The following TSPAN5 variants were observed in gnomAD, a reference collection of about 807,000 sequenced individuals.
The protein encoded by TSPAN5 is tetraspanin 5.
TSPAN5 carries 10 observed loss-of-function variants against 37.1 expected under a neutral mutation model. That is an observed-to-expected ratio of 0.27 (90% CI 0.17 to 0.46). The LOEUF is 0.46. Ranked by LOEUF, TSPAN5 falls within the 20% of genes least tolerant of loss-of-function variation. The pLI is 1.00. For missense variants in TSPAN5, 195 were observed against 326.6 expected (o/e 0.60, Z 3.11); for synonymous variants, 110 against 118.9 (o/e 0.93, Z 0.48).
intron 1 of TSPAN5, among the ~76,000 whole-genome samples, chr4:98,558,228 C>T (rs1331039736): frequency 6.6e-6 from 1 of 150,884 alleles, no homozygotes; most frequent in Non-Finnish European, 1.5e-5. Flanking sequence ...TGTTCGAATG[C>T]TCATACATTT....
At chr4:98,518,297 T>G (rs1245659946) in intron 1 of TSPAN5, among the ~76,000 whole-genome samples, 1 of 152,174 alleles carries the variant, frequency 6.6e-6, no homozygotes, top group African/African-American at 2.4e-5. Flanking sequence ...ATCATTCAAC[T>G]TATTTAATGA....
Position 98,474,188 on chromosome 4 carries a change from C to A in TSPAN5, c.742-1601G>T, listed in dbSNP as rs970931651. Among the ~76,000 whole-genome samples, 33 of 152,056 alleles carry A rather than the reference C, an allele frequency of 2.2e-4. 1 individual carries two copies. Among genetic ancestry groups the A allele is most frequent in the Non-Finnish European group, 7.3e-5 (5 of 68,030 alleles). ...ATAGCATTAGCTCTTATATTTAGGT[C>A]TTTGCTTTATTTTGAGTTAATTTTT... On this transcript the variant is annotated intron_variant, in intron 7 of 7. Coordinates refer to ENST00000305798, the MANE Select transcript of TSPAN5 (RefSeq NM_005723.4).
chr4:98,653,976 C>T (rs1757247239), intron 1 of TSPAN5, among the ~76,000 whole-genome samples: 1 of 152,196 alleles, frequency 6.6e-6, no homozygotes, highest in Non-Finnish European at 1.5e-5. Flanking sequence ...GTGGCACTGC[C>T]AGTTCTAAGT....
chr4:98,602,647 A>T (rs1755908065), intron 1 of TSPAN5, among the ~76,000 whole-genome samples: 1 of 151,988 alleles, frequency 6.6e-6, no homozygotes, highest in Admixed American at 6.6e-5. Flanking sequence ...CCAAAACTAC[A>T]TTTTTCTCCT....
intron 1 of TSPAN5, among the ~76,000 whole-genome samples, chr4:98,570,990 C>T (rs769830579): frequency 1.7e-4 from 25 of 150,736 alleles, no homozygotes; most frequent in South Asian, 4.2e-4. Context: ...CCAATATGGG[C>T]GACAGAGCAA....
chr4:98,534,454 A>G (rs943047733), intron 1 of TSPAN5, among the ~76,000 whole-genome samples: 6 of 152,194 alleles, frequency 3.9e-5, no homozygotes, highest in Non-Finnish European at 8.8e-5. Context: ...TCAATTTTAG[A>G]ATAAGTGTGA....
At chr4:98,537,390 C>T (rs956286173) in intron 1 of TSPAN5, among the ~76,000 whole-genome samples, 1 of 152,212 alleles carries the variant, frequency 6.6e-6, no homozygotes, top group Non-Finnish European at 1.5e-5. Flanking sequence ...CACCCGCCTT[C>T]TGAGTCGATC....
At chr4:98,561,769 T>C (rs865791362) in intron 1 of TSPAN5, among the ~76,000 whole-genome samples, 6 of 152,352 alleles carry the variant, frequency 3.9e-5, no homozygotes, top group South Asian at 2.1e-4. Flanking sequence ...AGCACTACTA[T>C]AGGTGCTGGA....
At chr4:98,624,390 G>C (rs1003342105) in intron 1 of TSPAN5, among the ~76,000 whole-genome samples, 5 of 151,998 alleles carry the variant, frequency 3.3e-5, no homozygotes, top group African/African-American at 1.2e-4. Flanking sequence ...TAATGATGAG[G>C]AGATAAAGTC....
chr4:98,571,110 C>G (rs568430439), intron 1 of TSPAN5, among the ~76,000 whole-genome samples: 1 of 152,262 alleles, frequency 6.6e-6, no homozygotes, highest in South Asian at 2.1e-4. Context: ...GTTCTAGCAG[C>G]CCTGATCATC....
At chr4:98,497,569 A>C (rs922051404) in intron 2 of TSPAN5, among the ~76,000 whole-genome samples, 5 of 152,130 alleles carry the variant, frequency 3.3e-5, no homozygotes, top group African/African-American at 1.2e-4. Context: ...GGTGCCCCTA[A>C]ACTCAAGTGA....
intron 1 of TSPAN5, among the ~76,000 whole-genome samples, chr4:98,624,619 C>T (rs1756553008): frequency 6.6e-6 from 1 of 152,130 alleles, no homozygotes; most frequent in Non-Finnish European, 1.5e-5. Context: ...AACACTGCTT[C>T]CCCACAGTAC....
intron 1 of TSPAN5, among the ~76,000 whole-genome samples, chr4:98,585,783 C>T (rs992949335): frequency 9.2e-5 from 14 of 152,214 alleles, no homozygotes; most frequent in Admixed American, 7.2e-4. Context: ...GTCTAGACTG[C>T]CCCAAACCAG....
intron 1 of TSPAN5, among the ~76,000 whole-genome samples, chr4:98,601,526 G>A (rs1023855460): frequency 4.6e-5 from 7 of 152,154 alleles, no homozygotes; most frequent in Non-Finnish European, 8.8e-5. Flanking sequence ...GCTAGACTCC[G>A]GCTTTTCTTC....
At chr4:98,511,367 A>G (rs1328537255) in intron 1 of TSPAN5, among the ~76,000 whole-genome samples, 1 of 152,214 alleles carries the variant, frequency 6.6e-6, no homozygotes, top group Non-Finnish European at 1.5e-5. Context: ...GGTACAGCCT[A>G]TGACGCACCT....
intron 1 of TSPAN5, among the ~76,000 whole-genome samples, chr4:98,635,858 C>T (rs1444197993): frequency 2.0e-5 from 3 of 152,108 alleles, no homozygotes; most frequent in African/African-American, 4.8e-5. Context: ...ATATTGCCAA[C>T]AAAGAGCTAT....
chr4:98,622,615 A>T (rs2110250650), intron 1 of TSPAN5, among the ~76,000 whole-genome samples: 1 of 152,342 alleles, frequency 6.6e-6, no homozygotes, highest in South Asian at 2.1e-4. Flanking sequence ...ACCAGCATTC[A>T]TGAGAGAACA....
chr4:98,521,630 C>G (rs962968371), intron 1 of TSPAN5, among the ~76,000 whole-genome samples: 10 of 152,198 alleles, frequency 6.6e-5, no homozygotes, highest in Non-Finnish European at 1.5e-4. Context: ...GTCCTTGACA[C>G]TCAGTGTTAT....
At chr4:98,524,884 T>C (rs1490898528) in intron 1 of TSPAN5, among the ~76,000 whole-genome samples, 1 of 152,190 alleles carries the variant, frequency 6.6e-6, no homozygotes, top group African/African-American at 2.4e-5. Context: ...ATCTTTTTAC[T>C]GTGTGTCATT....
Sources: gnomAD v4.1 joint callset for allele counts (sites outside exome capture counted in the v4.1 genomes callset) on GRCh38, gnomAD v4.1.1 for gene constraint, MANE v1.5 for transcripts, NCBI Gene and HGNC (gene_info 2026-07-23, HGNC 2026-07-21) for gene names.